Variants in MTA2 observed in about 807,000 individuals in gnomAD.
The protein encoded by MTA2 is metastasis associated 1 family member 2, also known as metastasis-associated protein MTA2.
MTA2 carries 22 observed loss-of-function variants against 87.1 expected under a neutral mutation model. That is an observed-to-expected ratio of 0.25 (90% CI 0.18 to 0.36). The LOEUF (loss-of-function observed/expected upper bound fraction) is 0.36. MTA2 is among the 10% of genes least tolerant of loss of function. The pLI is 1.00. For synonymous variants in MTA2, 314 were observed against 310.1 expected (o/e 1.01, Z -0.13); for missense variants, 542 against 853.2 (o/e 0.64, Z 4.54).
At chr11:62,601,127 C>CCCTGTCA in intron 1 of MTA2, 1 of 538,908 alleles carries the variant, frequency 1.9e-6, no homozygotes, top group East Asian at 3.4e-5. Context: ...TCCCTCCCTA[C>CCCTGTCA]CCTGTCAGCT....
chr11:62,599,601 T>C (rs920402455), intron 3 of MTA2, among the ~76,000 whole-genome samples: 2 of 144,178 alleles, frequency 1.4e-5, no homozygotes, highest in Non-Finnish European at 3.0e-5. Context: ...AATATGTTTT[T>C]TAAAAAAAGA....
In MTA2 at chr11:62,593,650, T is replaced by C; in HGVS notation, c.*225A>G. The C allele has an allele frequency of 3.8e-6, 2 of 531,712 alleles. No homozygotes were observed. Among genetic ancestry groups the C allele is most frequent in the East Asian group, 3.5e-5 (1 of 28,696 alleles). 32.9% of individuals were successfully genotyped at this position (531,712 alleles called of 1,614,324 possible). A position where few individuals can be genotyped will look rare whatever the true frequency, so the allele number is the denominator to read the frequency against. On this transcript the variant is annotated 3_prime_UTR_variant, in exon 18 of 18. Coordinates refer to ENST00000278823, the MANE Select transcript of MTA2 (RefSeq NM_004739.4). ...CCCCAAAACAGGCTAGGTTCCCACA[T>C]GGGCCAAGTTCCTGCAGTCTGTCCT...
Position 62,600,269 on chromosome 11 carries a change from G to C in MTA2, c.97-10C>G. The C allele has an allele frequency of 6.2e-7, 1 of 1,609,760 alleles. No individual in the cohort carries two copies. The highest frequency in any genetic ancestry group is 1.1e-5 in the South Asian group (1 of 90,438). On this transcript the variant is annotated splice_polypyrimidine_tract_variant and intron_variant, in intron 2 of 17. Coordinates refer to ENST00000278823, the MANE Select transcript of MTA2 (RefSeq NM_004739.4). ...CATTTCCATTTGCAGTCTAAGGGGA[G>C]GAAAAAAACAAAAACAAAACAACGT...
At chr11:62,599,414 G>A (rs1942144857) in intron 3 of MTA2, 1 of 152,244 alleles carries the variant, frequency 6.6e-6, no homozygotes, top group Admixed American at 6.6e-5. Context: ...CAAGGCCAAG[G>A]TCAGCCCCTG....
rs746504419 is a variant in MTA2, at chr11:62,594,556, C to T, written c.1652G>A (p.Arg551Gln). ...TTTCACCATAATGCCCCCCAGTCCCCGGTTCTGGGACAGCTGGTTTCTGTT... is the reference window on the plus strand; with the variant it reads ...TTTCACCATAATGCCCCCCAGTCCCTGGTTCTGGGACAGCTGGTTTCTGTT... The part of the protein sequence containing the change: ...PINRNQLSQN[R>Q]GLGGIMVKRA... Residue 551 changes from arginine to glutamine, a missense_variant, in exon 16 of 18, where the codon CGG becomes CAG. Physicochemically the swap from Arg to Gln is conservative, Grantham distance 43 (BLOSUM62 1). Around this residue, in one of 6 missense-constraint regions of MTA2, gnomAD observed 269 missense variants for 346.4 expected, o/e 0.78. Coordinates refer to ENST00000278823, the MANE Select transcript of MTA2 (RefSeq NM_004739.4). The T allele has an allele frequency of 1.2e-5, 19 of 1,614,168 alleles. No homozygotes were observed. The highest frequency in any genetic ancestry group is 1.5e-5 in the Non-Finnish European group (18 of 1,180,038).
chr11:62,594,301 T>G lies in MTA2; in HGVS notation c.1799A>C (p.Asp600Ala). 6.2e-7 allele frequency: 1 copy of G among 1,614,192 alleles called. No homozygotes were observed. The highest frequency in any genetic ancestry group is 8.5e-7 in the Non-Finnish European group (1 of 1,180,032). The change falls in exon 17 of 18, where the codon GAT becomes GCT. Residue 600 changes from aspartate (D) to alanine (A), a missense_variant. By Grantham distance (126) the Asp-to-Ala change is moderately radical (BLOSUM62 -2). Transcript: ENST00000278823. ...CACAAACACCACAGGATTGGGGGCA[T>G]CAGCTGGGTTTAGTTTCTGACGCTT... The part of the protein sequence containing the change: ...AAKRQKLNPA[D>A]APNPVVFVAT...
At position 62,594,281 on chromosome 11, in the gene MTA2, A is replaced by C; in HGVS notation, c.1819T>G (p.Phe607Val). The C allele has an allele frequency of 2.5e-6, 4 of 1,614,064 alleles. No homozygotes were observed. The highest frequency in any genetic ancestry group is 2.5e-6 in the Non-Finnish European group (3 of 1,180,020). Reference protein sequence around the residue: ...NPADAPNPVVFVATKDTRALR... With the variant: ...NPADAPNPVVVVATKDTRALR... ...TACCTGGTATCCTTTGTGGCCACAAACACCACAGGATTGGGGGCATCAGCT... is the reference window on the plus strand; with the variant it reads ...TACCTGGTATCCTTTGTGGCCACAACCACCACAGGATTGGGGGCATCAGCT... The change falls in exon 17 of 18, where the codon TTT becomes GTT. Residue 607 changes from phenylalanine (F) to valine (V), a missense_variant. Physicochemically the swap from Phe to Val is conservative, Grantham distance 50. Around this residue, in one of 6 missense-constraint regions of MTA2, gnomAD observed 269 missense variants for 346.4 expected, o/e 0.78. Transcript: ENST00000278823.
Position 62,600,196 on chromosome 11 carries a change from T to C in MTA2, c.160A>G (p.Ser54Gly), listed in dbSNP as rs1209079350. ...TTACTATCAGCCAGGCTGTTGAGGC[T>C]ACTAGAAATGTCCCTGCGCCGGAAA... ...CLFRRRDISS[S>G]LNSLADSNAR... The change falls in exon 3 of 18, where the codon AGC becomes GGC. Residue 54 changes from serine (S) to glycine (G), a missense_variant. Coordinates refer to ENST00000278823, the MANE Select transcript of MTA2 (RefSeq NM_004739.4). 1 of 1,614,084 alleles carries C rather than the reference T, an allele frequency of 6.2e-7. No individual in the cohort carries two copies. The highest frequency in any genetic ancestry group is 8.5e-7 in the Non-Finnish European group (1 of 1,180,038).
rs112385383 is a variant in MTA2 at position 62,596,344 on chromosome 11, G to T, written c.958-7C>A. 382 of 1,614,104 alleles carry T rather than the reference G, an allele frequency of 2.4e-4. No homozygotes were observed. In the African/African-American group the frequency reaches 4.5e-3, roughly 19 times the overall value. On this transcript the variant is annotated splice_region_variant and splice_polypyrimidine_tract_variant and intron_variant, in intron 10 of 17. Transcript: ENST00000278823. The stretch of plus-strand genomic sequence containing the variant: ...CAGCAGCTTTCAACCTTTTCTGTAA[G>T]AAGGTAAAAAGAAAGAGAAGGATCA...
At chr11:62,597,807 T>C (rs979713558) in intron 6 of MTA2, 95 bp from the exon 7 acceptor site, 1 of 1,111,850 alleles carries the variant, frequency 9.0e-7, no homozygotes, top group African/African-American at 1.6e-5. Flanking sequence ...TCTCTTCTTC[T>C]GCTTGGATTC....
intron 6 of MTA2, 37 bp from the exon 7 acceptor site, chr11:62,597,749 C>T (rs758677667): frequency 1.3e-6 from 2 of 1,543,678 alleles, no homozygotes; most frequent in Non-Finnish European, 1.8e-6. Context: ...AGGGAGAGGG[C>T]AGGGGGGAAC....
At chr11:62,601,074 G>A in intron 1 of MTA2, 1 of 506,418 alleles carries the variant, frequency 2.0e-6, no homozygotes, top group Non-Finnish European at 3.5e-6. Context: ...ACCTCCGGGC[G>A]GCTCCCCCGC....
rs1168315239 is a variant in MTA2, at chr11:62,594,643, A to T, written c.1574-9T>A. The T allele has an allele frequency of 6.2e-7, 1 of 1,612,446 alleles. No homozygotes were observed. Among genetic ancestry groups the T allele is most frequent in the Admixed American group, 1.7e-5 (1 of 59,828 alleles). On this transcript the variant is annotated splice_polypyrimidine_tract_variant and intron_variant, in intron 15 of 17. Transcript: ENST00000278823. Reference sequence around the variant, plus strand: ...CAGGGGTGCCTGGGCCACTGGAAAAAAACAGAAAACTTTCGCACCTTTTCT... The same window carrying T: ...CAGGGGTGCCTGGGCCACTGGAAAATAACAGAAAACTTTCGCACCTTTTCT...
intron 1 of MTA2, 75 bp from the exon 2 acceptor site, chr11:62,600,764 A>G: frequency 3.6e-6 from 5 of 1,389,364 alleles, no homozygotes; most frequent in Non-Finnish European, 5.1e-6. Context: ...GGTAGGAGAG[A>G]AAGTTGGCCT....
rs944597228 is a variant in MTA2 at position 62,599,894 on chromosome 11, T to C, written c.190+272A>G. Among the ~76,000 whole-genome samples the C allele has an allele frequency of 2.0e-5, 3 of 152,200 alleles. No individual in the cohort carries two copies. The South Asian group carries it at 6.2e-4, about 31-fold the overall frequency. The stretch of plus-strand genomic sequence containing the variant: ...CAAACTGCCCCCCTTTAGAAAACCA[T>C]TGTTTCTCTAAAGCTCGTCCTCATA... On this transcript the variant is annotated intron_variant, in intron 3 of 17. Coordinates refer to ENST00000278823, the MANE Select transcript of MTA2 (RefSeq NM_004739.4).
At chr11:62,596,958 G>C (rs972152856) in intron 8 of MTA2, 133 bp from the exon 9 acceptor site, 10 of 829,888 alleles carry the variant, frequency 1.2e-5, no homozygotes, top group African/African-American at 3.5e-5. Flanking sequence ...GGGAAGCGGA[G>C]GCGGGCAGAT....
In MTA2 at chr11:62,595,296, G is replaced by A; in HGVS notation, c.1451C>T (p.Ala484Val). The A allele has an allele frequency of 6.2e-7, 1 of 1,614,214 alleles. No homozygotes were observed. The highest frequency in any genetic ancestry group is 8.5e-7 in the Non-Finnish European group (1 of 1,180,034). ...QPRRAARRPY[A>V]PINANAIKAE... Reference sequence around the variant, plus strand: ...TTTGATGGCATTGGCATTGATAGGAGCATAAGGCCGTCGGGCGGCCCTCCT... The same window carrying A: ...TTTGATGGCATTGGCATTGATAGGAACATAAGGCCGTCGGGCGGCCCTCCT... The change falls in exon 14 of 18, where the codon GCT becomes GTT. Residue 484 changes from alanine to valine, a missense_variant. This residue lies in a region of MTA2 where 269 missense variants were observed against 346.4 expected (regional missense o/e 0.78). Coordinates refer to ENST00000278823, the MANE Select transcript of MTA2 (RefSeq NM_004739.4). The surrounding 1 kb of genome is among the most constrained non-coding windows in gnomAD (Gnocchi z 4.9).
intron 8 of MTA2, among the ~76,000 whole-genome samples, chr11:62,597,060 G>A (rs1268703075): frequency 1.3e-5 from 2 of 152,116 alleles, no homozygotes; most frequent in African/African-American, 4.8e-5. Context: ...GTGGTGGCGG[G>A]TGCCTGTAGT....
chr11:62,597,114 G>A (rs1374557052), intron 8 of MTA2, among the ~76,000 whole-genome samples: 1 of 152,008 alleles, frequency 6.6e-6, no homozygotes, highest in African/African-American at 2.4e-5. Flanking sequence ...GTGTGAACCC[G>A]GGAGGCGGAG....
Sources: gnomAD v4.1 joint callset for allele counts (sites outside exome capture counted in the v4.1 genomes callset) on GRCh38, gnomAD v4.1.1 for gene constraint, gnomAD v4.1.1 regional missense constraint, Gnocchi (gnomAD v3.1) non-coding constraint, MANE v1.5 for transcripts, NCBI Gene and HGNC (gene_info 2026-07-23, HGNC 2026-07-21) for gene names.